FMO5: variants seen among roughly 807,000 people sequenced by gnomAD.
FMO5 encodes the protein flavin containing dimethylaniline monoxygenase 5.
Under a neutral mutation model 43.6 loss-of-function variants are expected in FMO5, and 51 were observed. That is an observed-to-expected ratio of 1.17 (90% confidence interval 0.93 to 1.48). FMO5 has a LOEUF of 1.48. Ranked by LOEUF, FMO5 falls within the 40% of genes most tolerant of loss-of-function variation. FMO5 has a pLI of 0.00. For synonymous variants in FMO5, 187 were observed against 216.5 expected (o/e 0.86, Z 1.20); for missense variants, 644 against 643.0 (o/e 1.00, Z -0.02).
chr1:147,184,347 C>T (rs1553916638), downstream of FMO5: 5 of 858,502 alleles, frequency 5.8e-6, no homozygotes, highest in Non-Finnish European at 7.9e-6. This position sits in a 1 kb window ranked among gnomAD's most constrained non-coding sequence, Gnocchi z 4.4. Flanking sequence ...TTTTACATTC[C>T]TCTGGTACAT....
Position 147,213,467 on chromosome 1 carries a change from T to C in FMO5, c.328A>G (p.Thr110Ala), listed in dbSNP as rs368761669. 7.0e-5 allele frequency: 112 copies of C among 1,600,510 alleles called. No individual in the cohort carries two copies. In the African/African-American group the frequency reaches 1.4e-3, roughly 19 times the overall value. The change falls in exon 4 of 9, where the codon ACT becomes GCT. Residue 110 changes from threonine to alanine, a missense_variant. Transcript: ENST00000254090. ...DLLKYIRFKT[T>A]VCSVKKQPDF... ...GGCTGCTTCTTCACACTGCACACAG[T>C]GGTCTGAAAAGAAAAGTGATAACCA...
At chr1:147,205,781 A>G (rs998445487) in intron 6 of FMO5, among the ~76,000 whole-genome samples, 2 of 152,192 alleles carry the variant, frequency 1.3e-5, no homozygotes, top group Non-Finnish European at 2.9e-5. Context: ...TGGATTAAAG[A>G]CTTAAATGTT....
At chr1:147,208,570 G>T (rs1660523256) in intron 6 of FMO5, 1 of 283,030 alleles carries the variant, frequency 3.5e-6, no homozygotes. Flanking sequence ...CTCCTGAATA[G>T]CTGGGACTAC....
intron 6 of FMO5, chr1:147,204,395 C>T: frequency 9.1e-7 from 1 of 1,103,032 alleles, no homozygotes; most frequent in East Asian, 2.3e-5. Context: ...ATAAGCTTGG[C>T]CAGAAATACT....
In FMO5 at chr1:147,190,985, A is replaced by C. The variant is rs587659344; in HGVS notation, c.1184-736T>G. ...TGCTGAGAATGATGGTTTCCAGTTT[A>C]ATCCATGTCCCTACAAAGGACATGA... On this transcript the variant is annotated intron_variant, in intron 7 of 8. Transcript: ENST00000254090. 8.6e-5 allele frequency among the ~76,000 whole-genome samples: 13 copies of C among 152,032 alleles called. No homozygotes were observed. The South Asian group carries it at 2.5e-3, about 29-fold the overall frequency.
At chr1:147,193,600 G>A (rs1392082928) in intron 7 of FMO5, among the ~76,000 whole-genome samples, 1 of 152,032 alleles carries the variant, frequency 6.6e-6, no homozygotes, top group South Asian at 2.1e-4. Context: ...TGTGATGTTA[G>A]GGTGTCAATT....
At chr1:147,207,365 A>T (rs28381201) in intron 6 of FMO5, among the ~76,000 whole-genome samples, 1 of 152,294 alleles carries the variant, frequency 6.6e-6, no homozygotes, top group East Asian at 1.9e-4. Context: ...TTATTTTGCA[A>T]CTTTTCTGTA....
chr1:147,190,439 T>C (rs894467), intron 7 of FMO5, among the ~76,000 whole-genome samples, 190 bp from the exon 8 acceptor site: 7,540 of 152,234 alleles, frequency 0.05, 208 homozygotes, highest in African/African-American at 0.071. Context: ...CTTACTCTAC[T>C]TATTCTTCTT....
At chr1:147,203,813 G>A (rs1238387681) in intron 6 of FMO5, 9 of 1,553,372 alleles carry the variant, frequency 5.8e-6, no homozygotes, top group Admixed American at 1.7e-5. Context: ...AAGTACTATG[G>A]TAGAAATGAT....
chr1:147,202,220 T>C (rs1372228143), intron 6 of FMO5, among the ~76,000 whole-genome samples: 2 of 151,728 alleles, frequency 1.3e-5, no homozygotes, highest in Non-Finnish European at 2.9e-5. Context: ...AAACATTGGG[T>C]TGGTGCAAAA....
chr1:147,186,381 T>C lies in FMO5; in HGVS notation c.*519A>G. ...TGAAACAAAATGTCTTAAGCATCTA[T>C]ATGTCTTATCTTAGATACATACAAC... On this transcript the variant is annotated 3_prime_UTR_variant, in exon 9 of 9. Coordinates refer to ENST00000254090, the MANE Select transcript of FMO5 (RefSeq NM_001461.4). 1 of 908,690 alleles carries C rather than the reference T, an allele frequency of 1.1e-6. No homozygotes were observed. Among genetic ancestry groups the C allele is most frequent in the Non-Finnish European group, 1.3e-6 (1 of 760,232 alleles). 56.3% of individuals were successfully genotyped at this position (908,690 alleles called of 1,614,324 possible).
Position 147,186,650 on chromosome 1 carries a change from A to G in FMO5, c.*250T>C, listed in dbSNP as rs587748234. The G allele has an allele frequency of 4.0e-6, 5 of 1,242,366 alleles. No individual in the cohort carries two copies. The South Asian group carries it at 1.2e-4, about 29-fold the overall frequency. 77.0% of individuals were successfully genotyped at this position (1,242,366 alleles called of 1,614,324 possible). ...CTAAAGACATACAAAGATGACTAAAAGAGTACCTGAGCTCCCAGTCTAGGG... is the reference window on the plus strand; with the variant it reads ...CTAAAGACATACAAAGATGACTAAAGGAGTACCTGAGCTCCCAGTCTAGGG... On this transcript the variant is annotated 3_prime_UTR_variant, in exon 9 of 9. Coordinates refer to ENST00000254090, the MANE Select transcript of FMO5 (RefSeq NM_001461.4).
chr1:147,222,822 G>C (rs1320352557), intron 2 of FMO5, among the ~76,000 whole-genome samples: 2 of 152,178 alleles, frequency 1.3e-5, no homozygotes, highest in Admixed American at 6.5e-5. Context: ...CCAGAAACTT[G>C]ATAATCAGAC....
chr1:147,203,114 C>CTTTTT (rs142319990), intron 6 of FMO5, among the ~76,000 whole-genome samples: 5,432 of 147,760 alleles, frequency 0.037, 142 homozygotes, highest in South Asian at 0.095. Context: ...CAAAGGTTTC[C>CTTTTT]TTTTTTTTTT....
intron 5 of FMO5, among the ~76,000 whole-genome samples, chr1:147,211,929 G>A (rs375580260): frequency 5.2e-4 from 79 of 152,278 alleles, no homozygotes; most frequent in African/African-American, 1.9e-3. Context: ...CATTTGGGGA[G>A]TGTAAAGGAA....
intron 2 of FMO5, among the ~76,000 whole-genome samples, chr1:147,221,843 C>T (rs587762095): frequency 7.2e-5 from 11 of 152,334 alleles, no homozygotes; most frequent in South Asian, 4.1e-4. Context: ...TCAAATCCTT[C>T]GAAACACCTG....
chr1:147,204,144 C>T, intron 6 of FMO5: 2 of 1,071,796 alleles, frequency 1.9e-6, no homozygotes, highest in Non-Finnish European at 2.9e-6. Flanking sequence ...TTCATCAATT[C>T]TTCATCAGTC....
chr1:147,203,972 A>T lies in FMO5; in HGVS notation c.831-2468T>A, dbSNP rs1272481595. 4.1e-6 allele frequency: 5 copies of T among 1,220,028 alleles called. No homozygotes were observed. In the African/African-American group the frequency reaches 4.4e-5, roughly 11 times the overall value. The allele number at this position is 1,220,028 out of a possible 1,614,324, so 75.6% of individuals were successfully genotyped here. On this transcript the variant is annotated intron_variant, in intron 6 of 8. Transcript: ENST00000254090. ...ACCAACTGTTTTACAGAGTCTTCGG[A>T]CATCCCATTTTGAGTTTAGCTTCAC...
At chr1:147,201,594 A>G (rs1391006493) in intron 6 of FMO5, 90 bp from the exon 7 acceptor site, 15 of 890,252 alleles carry the variant, frequency 1.7e-5, no homozygotes, top group Non-Finnish European at 2.3e-5. Context: ...GGAGGTAAAC[A>G]GGATGCCAAT....
Sources: allele counts gnomAD v4.1 joint callset (sites outside exome capture counted in the v4.1 genomes callset), GRCh38; gene constraint gnomAD v4.1.1; non-coding constraint Gnocchi (gnomAD v3.1); transcripts MANE v1.5; gene names NCBI Gene and HGNC (gene_info 2026-07-23, HGNC 2026-07-21).